CRADD: variants seen among roughly 807,000 people sequenced by gnomAD.
CRADD encodes death domain-containing protein CRADD.
CRADD carries 9 observed loss-of-function variants against 15.5 expected under a neutral mutation model. The observed-to-expected ratio is 0.58, with a 90% CI of 0.35 to 1.01. The LOEUF is 1.01. Ranked by LOEUF, CRADD falls within the 50% of genes least tolerant of loss-of-function variation. The probability of loss-of-function intolerance (pLI) is 0.02; values close to 1 mark genes in which losing one functional copy is unlikely to be tolerated. For missense variants in CRADD, 227 were observed against 250.3 expected, an observed-to-expected ratio of 0.91 and a Z score of 0.63; for synonymous variants, 118 against 107.6, an observed-to-expected ratio of 1.10 and a Z score of -0.60.
chr12:93,826,221 A>G (rs1264354531), intron 2 of CRADD, among the ~76,000 whole-genome samples: 1 of 152,260 alleles, frequency 6.6e-6, no homozygotes, highest in African/African-American at 2.4e-5. Context: ...TTTCTTTAAT[A>G]AGAAATGAAT....
chr12:93,724,378 C>CAAAAAAAAAAAAAAAAAAAA (rs58599421), intron 2 of CRADD, among the ~76,000 whole-genome samples: 1 of 131,964 alleles, frequency 7.6e-6, no homozygotes. Flanking sequence ...GACCCTGTCT[C>CAAAAAAAAAAAAAAAAAAAA]AAAAAAAAAA....
At chr12:93,882,860 C>T (rs1958512606) in intron 2 of CRADD, among the ~76,000 whole-genome samples, 1 of 152,182 alleles carries the variant, frequency 6.6e-6, no homozygotes, top group African/African-American at 2.4e-5. Flanking sequence ...AAAGATGGAA[C>T]TGGCCTTTGT....
At chr12:93,805,825 T>C (rs1957531069) in intron 2 of CRADD, among the ~76,000 whole-genome samples, 1 of 152,134 alleles carries the variant, frequency 6.6e-6, no homozygotes. Context: ...GGTGATGACA[T>C]ATCTGTCAGA....
intron 2 of CRADD, among the ~76,000 whole-genome samples, chr12:93,712,781 C>T (rs1956096933): frequency 6.6e-6 from 1 of 152,046 alleles, no homozygotes; most frequent in Admixed American, 6.6e-5. Flanking sequence ...TACTTGTGGG[C>T]AGAATTCTAG....
At chr12:93,714,387 A>C (rs1223651081) in intron 2 of CRADD, 1 of 152,184 alleles carries the variant, frequency 6.6e-6, no homozygotes, top group Non-Finnish European at 1.5e-5. Context: ...TTTTCCTTTA[A>C]ACTTTCACAT....
chr12:93,823,265 C>T (rs1201706707), intron 2 of CRADD, among the ~76,000 whole-genome samples: 2 of 148,092 alleles, frequency 1.4e-5, no homozygotes, highest in Non-Finnish European at 3.0e-5. Flanking sequence ...GCATTGCAGC[C>T]TAGGAAACAA....
chr12:93,794,548 T>C (rs1233158810), intron 2 of CRADD, among the ~76,000 whole-genome samples: 2 of 152,124 alleles, frequency 1.3e-5, no homozygotes, highest in Admixed American at 1.3e-4. Flanking sequence ...CAAATTTACC[T>C]GAATTCATCT....
chr12:93,687,051 T>G (rs1398432921), intron 2 of CRADD, among the ~76,000 whole-genome samples: 5 of 152,212 alleles, frequency 3.3e-5, no homozygotes, highest in African/African-American at 1.2e-4. Flanking sequence ...CGTTCAGTAC[T>G]GCATTTTGTC....
intron 2 of CRADD, among the ~76,000 whole-genome samples, chr12:93,803,976 C>T (rs1272235379): frequency 6.6e-6 from 1 of 152,112 alleles, no homozygotes; most frequent in African/African-American, 2.4e-5. Context: ...CTAAGGAATA[C>T]AGTCTCTAGA....
chr12:93,743,409 G>T (rs1956707321), intron 2 of CRADD, among the ~76,000 whole-genome samples: 3 of 152,116 alleles, frequency 2.0e-5, no homozygotes, highest in Admixed American at 2.0e-4. Flanking sequence ...TCAGTTCACT[G>T]CAACCACCAC....
chr12:93,842,693 A>C (rs892826321), intron 2 of CRADD, among the ~76,000 whole-genome samples: 14 of 151,940 alleles, frequency 9.2e-5, no homozygotes, highest in Non-Finnish European at 1.9e-4. Flanking sequence ...AGTGATTGAT[A>C]GGCATGGCTG....
chr12:93,753,289 C>T (rs1956850165), intron 2 of CRADD, among the ~76,000 whole-genome samples: 1 of 152,146 alleles, frequency 6.6e-6, no homozygotes, highest in African/African-American at 2.4e-5. Flanking sequence ...GGGTCCCTCC[C>T]ATTACATGTG....
intron 2 of CRADD, among the ~76,000 whole-genome samples, chr12:93,767,341 G>A (rs916252665): frequency 2.0e-5 from 3 of 152,164 alleles, no homozygotes; most frequent in South Asian, 2.1e-4. Context: ...GGTTGGCCTC[G>A]TTTCTCTCAG....
chr12:93,818,781 G>A (rs1413469036), intron 2 of CRADD, among the ~76,000 whole-genome samples: 1 of 152,198 alleles, frequency 6.6e-6, no homozygotes, highest in Admixed American at 6.5e-5. Context: ...CAGGGTGAGA[G>A]AACTGGGGAG....
intron 2 of CRADD, among the ~76,000 whole-genome samples, chr12:93,751,248 C>T (rs887064871): frequency 1.3e-5 from 2 of 152,204 alleles, no homozygotes; most frequent in African/African-American, 4.8e-5. Flanking sequence ...CCAATCACGT[C>T]AGGAAGTTCA....
At chr12:93,746,010 G>A (rs1956743596) in intron 2 of CRADD, among the ~76,000 whole-genome samples, 1 of 152,160 alleles carries the variant, frequency 6.6e-6, no homozygotes, top group Non-Finnish European at 1.5e-5. Flanking sequence ...GGGAAAATAA[G>A]GCTAGGAGAA....
intron 2 of CRADD, among the ~76,000 whole-genome samples, chr12:93,871,886 T>C (rs1958423413): frequency 6.6e-6 from 1 of 152,206 alleles, no homozygotes; most frequent in South Asian, 2.1e-4. Context: ...AGTGCAGATA[T>C]CTCTTTGATG....
intron 2 of CRADD, among the ~76,000 whole-genome samples, chr12:93,881,994 G>A (rs529402546): frequency 6.2e-4 from 94 of 152,190 alleles, no homozygotes; most frequent in Non-Finnish European, 1.1e-3. Flanking sequence ...GGGCTTGGTG[G>A]CATGTGCCTG....
chr12:93,779,297 A>G (rs1957173496), intron 2 of CRADD, among the ~76,000 whole-genome samples: 1 of 152,184 alleles, frequency 6.6e-6, no homozygotes, highest in South Asian at 2.1e-4. Flanking sequence ...ATCTAGAAAA[A>G]TTTTTTATTG....
Sources: gnomAD v4.1 joint callset for allele counts (sites outside exome capture counted in the v4.1 genomes callset) on GRCh38, gnomAD v4.1.1 for gene constraint, MANE v1.5 for transcripts, NCBI Gene and HGNC (gene_info 2026-07-23, HGNC 2026-07-21) for gene names.